Variants in PCDHGA10 observed in about 807,000 individuals in gnomAD.
The protein encoded by PCDHGA10 is protocadherin gamma-A10.
In PCDHGA10, 42 loss-of-function variants were observed where a neutral mutation model predicts 59.5. The observed-to-expected ratio is 0.71, with a 90% CI of 0.55 to 0.91. The LOEUF (loss-of-function observed/expected upper bound fraction) is 0.91, where lower values mean the gene tolerates loss of function less well. Ranked by LOEUF, PCDHGA10 falls within the 40% of genes least tolerant of loss-of-function variation. The pLI is 0.00. For missense variants in PCDHGA10, 1,111 were observed against 1,198.2 expected (o/e 0.93, Z 1.07); for synonymous variants, 511 against 517.2 (o/e 0.99, Z 0.16).
intron 1 of PCDHGA10, chr5:141,420,437 T>G (rs2096496377): frequency 4.5e-6 from 5 of 1,109,618 alleles, no homozygotes; most frequent in Admixed American, 3.7e-5. Context: ...TTAAATTAAA[T>G]GCCTCAGTCT....
intron 1 of PCDHGA10, chr5:141,418,387 G>C (rs1172239604): frequency 1.9e-6 from 3 of 1,613,884 alleles, no homozygotes; most frequent in Non-Finnish European, 2.5e-6. Flanking sequence ...GTCCTAACGA[G>C]TATTTCTCAT....
chr5:141,414,371 A>G lies in PCDHGA10; in HGVS notation c.1196A>G (p.Glu399Gly), dbSNP rs1447111430. 6.2e-7 allele frequency: 1 copy of G among 1,613,954 alleles called. No homozygotes were observed. Among genetic ancestry groups the G allele is most frequent in the South Asian group, 1.1e-5 (1 of 91,086 alleles). ...SILAYLPFKL[E>G]KSIDSYYRLV... is the part of the protein sequence containing the mutation. The stretch of plus-strand genomic sequence containing the variant: ...TTGGCGTATCTACCATTTAAATTAG[A>G]AAAGTCCATTGACAGTTATTACAGA... Residue 399 changes from glutamate to glycine, a missense_variant, in exon 1 of 4, where the codon GAA (glutamate) becomes GGA (glycine). By Grantham distance (98) the Glu-to-Gly change is moderately conservative. Transcript: ENST00000398610.
intron 1 of PCDHGA10, chr5:141,428,054 G>A (rs763394113): frequency 6.2e-7 from 1 of 1,609,038 alleles, no homozygotes; most frequent in Admixed American, 1.7e-5. Context: ...CCAAGGTGGT[G>A]GCGGTGGACG....
At position 141,477,004 on chromosome 5, in the gene PCDHGA10, C is replaced by T. The variant is rs1390668803; in HGVS notation, c.2437-17803C>T. On this transcript the variant is annotated intron_variant, in intron 1 of 3. Coordinates refer to ENST00000398610, the MANE Select transcript of PCDHGA10 (RefSeq NM_018913.3). The surrounding 1 kb of genome is among the most constrained non-coding windows in gnomAD (Gnocchi z 4.9). ...GCGCCGGCGTGCGGCAACTATTCGC[C>T]TTAGACCTTGTAACCGGGATGCTGA... is the stretch of plus-strand genomic sequence containing the variant. 3 of 1,614,236 alleles carry T rather than the reference C, an allele frequency of 1.9e-6. No homozygotes were observed. The highest frequency in any genetic ancestry group is 2.5e-6 in the Non-Finnish European group (3 of 1,180,042).
chr5:141,468,680 C>T (rs1176643092), intron 1 of PCDHGA10: 1 of 151,074 alleles, frequency 6.6e-6, no homozygotes, highest in Non-Finnish European at 1.5e-5. Flanking sequence ...TCCTGGCTAA[C>T]ACGGTGAAAC....
chr5:141,445,991 T>C (rs532620580), intron 1 of PCDHGA10, among the ~76,000 whole-genome samples: 147 of 152,168 alleles, frequency 9.7e-4, no homozygotes, highest in Admixed American at 3.4e-3. Context: ...TAAATAGAAA[T>C]AGGAAGATAA....
intron 1 of PCDHGA10, chr5:141,423,559 G>T: frequency 6.2e-7 from 1 of 1,613,584 alleles, no homozygotes; most frequent in Non-Finnish European, 8.5e-7. Flanking sequence ...CAACTATGGG[G>T]ACACGCTCAT....
Position 141,432,972 on chromosome 5 carries a change from C to T in PCDHGA10, c.2436+17361C>T. 1 of 1,614,218 alleles carries T rather than the reference C, an allele frequency of 6.2e-7. No homozygotes were observed. Among genetic ancestry groups the T allele is most frequent in the African/African-American group, 1.3e-5 (1 of 75,058 alleles). ...GGCGGCTTGACAGGAGCGCCGGCGT[C>T]GCACTTTGTGGGCGTGGACGGGGTG... On this transcript the variant is annotated intron_variant, in intron 1 of 3. Coordinates refer to ENST00000398610, the MANE Select transcript of PCDHGA10 (RefSeq NM_018913.3). This position sits in a 1 kb window ranked among gnomAD's most constrained non-coding sequence, Gnocchi z 6.0.
In PCDHGA10 at chr5:141,413,986, A is replaced by G. The variant is rs1464771336; in HGVS notation, c.811A>G (p.Thr271Ala). ...VGTQLLTVTA[T>A]DRDEGANGEV... Reference sequence around the variant, plus strand: ...CACTCAGCTGCTGACAGTCACAGCCACCGACAGGGACGAAGGTGCCAATGG... The same window carrying G: ...CACTCAGCTGCTGACAGTCACAGCCGCCGACAGGGACGAAGGTGCCAATGG... The change falls in exon 1 of 4, where the codon ACC (threonine) becomes GCC (alanine). Residue 271 changes from threonine to alanine, a missense_variant. Coordinates refer to ENST00000398610, the MANE Select transcript of PCDHGA10 (RefSeq NM_018913.3). 6.2e-7 allele frequency: 1 copy of G among 1,613,554 alleles called. No individual in the cohort carries two copies. Among genetic ancestry groups the G allele is most frequent in the Admixed American group, 1.7e-5 (1 of 60,014 alleles).
chr5:141,450,006 C>CTATTTTT lies in PCDHGA10; in HGVS notation c.2436+34396_2436+34397insATTTTTT, dbSNP rs70988802. On this transcript the variant is annotated intron_variant, in intron 1 of 3. Coordinates refer to ENST00000398610, the MANE Select transcript of PCDHGA10 (RefSeq NM_018913.3). ...CACATTGCATTTAGTTGCCATGTCTCTTTTTTTTTTTTTTTTTTGAGACAG... is the reference window on the plus strand; with the variant it reads ...CACATTGCATTTAGTTGCCATGTCTCTATTTTTTTTTTTTTTTTTTTTTTTGAGACAG... Among the ~76,000 whole-genome samples, 248 of 132,920 alleles carry CTATTTTT rather than the reference C, an allele frequency of 1.9e-3. 8 individuals carry two copies. Among genetic ancestry groups the CTATTTTT allele is most frequent in the African/African-American group, 4.3e-3 (154 of 35,586 alleles). 87.2% of individuals were successfully genotyped at this position (132,920 alleles called of 152,430 possible). A position where few individuals can be genotyped will look rare whatever the true frequency, so the allele number is the denominator to read the frequency against.
chr5:141,512,656 C>G lies in PCDHGA10; in HGVS notation c.*1483C>G, dbSNP rs1262748947. ...CCCTTACAGTAGTGTAGCGCCCCCT[C>G]CCTCTTTCGGCTGGTGTAGAATAGC... On this transcript the variant is annotated 3_prime_UTR_variant, in exon 4 of 4. Coordinates refer to ENST00000398610, the MANE Select transcript of PCDHGA10 (RefSeq NM_018913.3). 1 of 152,508 alleles carries G rather than the reference C, an allele frequency of 6.6e-6. No homozygotes were observed. The highest frequency in any genetic ancestry group is 1.5e-5 in the Non-Finnish European group (1 of 68,228). The allele number at this position is 152,508 out of a possible 1,614,324, so 9.4% of individuals were successfully genotyped here.
intron 1 of PCDHGA10, among the ~76,000 whole-genome samples, chr5:141,472,119 A>C (rs1015212535): frequency 6.6e-6 from 1 of 152,240 alleles, no homozygotes; most frequent in African/African-American, 2.4e-5. Context: ...AAAGAAAATA[A>C]AAGAGAAGTT....
intron 1 of PCDHGA10, among the ~76,000 whole-genome samples, chr5:141,454,796 A>ATTTTTTTTTTTTTTTTTTTTTTTTTTT (rs61612330): frequency 3.9e-5 from 3 of 77,408 alleles, no homozygotes; most frequent in Admixed American, 1.8e-4. Flanking sequence ...CATGGTTCTA[A>ATTTTTTTTTTTTTTTTTTTTTTTTTTT]TTTTTTTTTT....
Position 141,493,701 on chromosome 5 carries a change from C to G in PCDHGA10, c.2437-1106C>G, listed in dbSNP as rs2099749680. 6.6e-6 allele frequency among the ~76,000 whole-genome samples: 1 copy of G among 152,172 alleles called. No homozygotes were observed. Among genetic ancestry groups the G allele is most frequent in the Admixed American group, 6.5e-5 (1 of 15,286 alleles). On this transcript the variant is annotated intron_variant, in intron 1 of 3. Coordinates refer to ENST00000398610, the MANE Select transcript of PCDHGA10 (RefSeq NM_018913.3). This position sits in a 1 kb window ranked among gnomAD's most constrained non-coding sequence, Gnocchi z 4.3. Reference sequence around the variant, plus strand: ...ATGGTGCTGGTGACTCCCGATACACCTGGAATGCTAGGTTTCTGGGTTCTG... The same window carrying G: ...ATGGTGCTGGTGACTCCCGATACACGTGGAATGCTAGGTTTCTGGGTTCTG...
chr5:141,459,573 T>TTC (rs2098970689), intron 1 of PCDHGA10, among the ~76,000 whole-genome samples: 1 of 152,208 alleles, frequency 6.6e-6, no homozygotes, highest in Non-Finnish European at 1.5e-5. Context: ...CAAAACAGAA[T>TTC]TGTTTTGGGG....
intron 1 of PCDHGA10, chr5:141,417,644 A>G (rs2096142506): frequency 3.9e-6 from 3 of 779,086 alleles, no homozygotes; most frequent in Non-Finnish European, 5.8e-6. Context: ...GGGATCCCTC[A>G]GCCTCTAGCC....
intron 1 of PCDHGA10, chr5:141,422,646 C>T (rs748692494): frequency 5.0e-6 from 8 of 1,611,836 alleles, no homozygotes; most frequent in Non-Finnish European, 6.8e-6. Flanking sequence ...CCTCCATCTT[C>T]TCAGTGACCG....
chr5:141,418,677 T>A (rs1717013168), intron 1 of PCDHGA10: 1 of 1,613,930 alleles, frequency 6.2e-7, no homozygotes, highest in African/African-American at 1.3e-5. Flanking sequence ...GACGAGGGCA[T>A]CAACTCAGAG....
At position 141,431,274 on chromosome 5, in the gene PCDHGA10, TC is replaced by T. The variant is rs767658803; in HGVS notation, c.2436+15664del. On this transcript the variant is annotated intron_variant, in intron 1 of 3. Transcript: ENST00000398610. The surrounding 1 kb of genome is among the most constrained non-coding windows in gnomAD (Gnocchi z 4.8). ...AAGAACTCTCTGCAGAGCTACGAGC[TC>T]AGCCCGAACACTCACTTCTCCCTCA... 6 of 1,614,128 alleles carry T rather than the reference TC, an allele frequency of 3.7e-6. No homozygotes were observed. Among genetic ancestry groups the T allele is most frequent in the Non-Finnish European group, 5.1e-6 (6 of 1,180,024 alleles).
Sources: allele counts gnomAD v4.1 joint callset (sites outside exome capture counted in the v4.1 genomes callset), GRCh38; gene constraint gnomAD v4.1.1; non-coding constraint Gnocchi (gnomAD v3.1); transcripts MANE v1.5; gene names NCBI Gene and HGNC (gene_info 2026-07-23, HGNC 2026-07-21).